The following PCOLCE2 variants were observed in gnomAD, a reference collection of about 807,000 sequenced individuals.
PCOLCE2 encodes the protein procollagen C-endopeptidase enhancer 2.
In PCOLCE2, 42 loss-of-function variants were observed where a neutral mutation model predicts 47.0. The observed-to-expected ratio is 0.89, with a 90% confidence interval of 0.70 to 1.16. PCOLCE2 has a LOEUF of 1.16. Among genes scored for constraint, PCOLCE2 ranks in the 50% most tolerant of loss-of-function variants. PCOLCE2 has a pLI of 0.00. For missense variants in PCOLCE2, 500 were observed against 526.1 expected (o/e 0.95, Z 0.49); for synonymous variants, 169 against 191.7 (o/e 0.88, Z 0.98).
chr3:142,833,250 A>G (rs796355006), intron 5 of PCOLCE2, among the ~76,000 whole-genome samples: 3 of 152,064 alleles, frequency 2.0e-5, no homozygotes, highest in African/African-American at 7.2e-5. Context: ...GTGCAGTGGC[A>G]TGGTCTTGGC....
chr3:142,820,900 C>T lies in PCOLCE2; in HGVS notation c.1095G>A (p.Lys365=). The T allele has an allele frequency of 6.2e-7, 1 of 1,613,826 alleles. No homozygotes were observed. Among genetic ancestry groups the T allele is most frequent in the Non-Finnish European group, 8.5e-7 (1 of 1,179,742 alleles). Residue 365 remains lysine (K), a synonymous_variant, in exon 8 of 9, where the codon AAG becomes AAA. Coordinates refer to ENST00000295992, the MANE Select transcript of PCOLCE2 (RefSeq NM_013363.4). Reference sequence around the variant, plus strand: ...CACCTCTTCTGAGGAGAGGGCACTGCTTGCAGACGACAGTCAGCCTGGCAC... The same window carrying T: ...CACCTCTTCTGAGGAGAGGGCACTGTTTGCAGACGACAGTCAGCCTGGCAC... ...NMSARLTVVC[K]QCPLLRRGLN... is the part of the protein sequence containing the mutation.
intron 7 of PCOLCE2, among the ~76,000 whole-genome samples, chr3:142,822,527 G>T (rs1007386028): frequency 9.9e-5 from 15 of 152,154 alleles, no homozygotes; most frequent in African/African-American, 3.6e-4. Context: ...CTTTGATCCT[G>T]CGTGATAAGT....
chr3:142,875,141 C>A (rs1421959584), intron 2 of PCOLCE2, among the ~76,000 whole-genome samples: 1 of 152,202 alleles, frequency 6.6e-6, no homozygotes, highest in African/African-American at 2.4e-5. Context: ...TATTGGGCAT[C>A]TCCTGGAGTA....
intron 2 of PCOLCE2, among the ~76,000 whole-genome samples, chr3:142,861,032 C>G (rs977290724): frequency 6.6e-6 from 1 of 152,196 alleles, no homozygotes; most frequent in African/African-American, 2.4e-5. Context: ...CAAAGGTGTA[C>G]AGAGATTAAA....
chr3:142,857,565 G>GA (rs1157179890), intron 2 of PCOLCE2, among the ~76,000 whole-genome samples: 1 of 151,964 alleles, frequency 6.6e-6, no homozygotes, highest in South Asian at 2.1e-4. Flanking sequence ...ATAAAAAAGG[G>GA]AAAAAAGGTA....
intron 2 of PCOLCE2, among the ~76,000 whole-genome samples, chr3:142,863,556 G>A (rs1353583940): frequency 2.6e-5 from 4 of 152,206 alleles, no homozygotes; most frequent in African/African-American, 7.2e-5. Flanking sequence ...ACAGACGACT[G>A]TCTTACTCTA....
chr3:142,850,785 GAAGATGAA>G (rs1491000433), intron 2 of PCOLCE2, among the ~76,000 whole-genome samples: 7 of 143,262 alleles, frequency 4.9e-5, no homozygotes, highest in Non-Finnish European at 9.2e-5. Context: ...GTTTTGCTGT[GAAGATGAA>G]CAGAATAATA....
intron 2 of PCOLCE2, among the ~76,000 whole-genome samples, chr3:142,861,801 G>T (rs1933187195): frequency 6.6e-6 from 1 of 152,204 alleles, no homozygotes; most frequent in Admixed American, 6.5e-5. Context: ...CTGTGGCAGG[G>T]CTTGTCACCA....
At position 142,842,172 on chromosome 3, in the gene PCOLCE2, T is replaced by C. The variant is rs1264021830; in HGVS notation, c.573+752A>G. ...ATGTGGCTTGCTTTTGTTGGCTTTG[T>C]TGAGGCAAAGCATCCACACTTTTTT... On this transcript the variant is annotated intron_variant, in intron 4 of 8. Coordinates refer to ENST00000295992, the MANE Select transcript of PCOLCE2 (RefSeq NM_013363.4). The surrounding 1 kb of genome is among the most constrained non-coding windows in gnomAD (Gnocchi z 4.1). 6.6e-6 allele frequency among the ~76,000 whole-genome samples: 1 copy of C among 152,228 alleles called. No homozygotes were observed. Among genetic ancestry groups the C allele is most frequent in the Admixed American group, 6.5e-5 (1 of 15,282 alleles).
At chr3:142,818,514 G>A (rs766782523) in intron 8 of PCOLCE2, 49 bp from the exon 9 acceptor site, 2 of 1,425,370 alleles carry the variant, frequency 1.4e-6, no homozygotes, top group Admixed American at 1.7e-5. Context: ...TGTATCATGT[G>A]TGAAACAACT....
At chr3:142,863,733 A>G (rs1259518125) in intron 2 of PCOLCE2, among the ~76,000 whole-genome samples, 1 of 152,228 alleles carries the variant, frequency 6.6e-6, no homozygotes, top group Non-Finnish European at 1.5e-5. Flanking sequence ...CCGTGTGCCC[A>G]AGCCTCCCAA....
At chr3:142,840,737 C>T (rs1937255035) in intron 4 of PCOLCE2, among the ~76,000 whole-genome samples, 1 of 152,106 alleles carries the variant, frequency 6.6e-6, no homozygotes, top group Admixed American at 6.6e-5. Context: ...TAATAAAATG[C>T]TTTCCAGGTT....
chr3:142,881,848 G>A (rs1933627993), intron 2 of PCOLCE2, among the ~76,000 whole-genome samples: 2 of 152,166 alleles, frequency 1.3e-5, no homozygotes, highest in Non-Finnish European at 2.9e-5. Context: ...GTTACCTGGA[G>A]AATCTGAAGA....
In PCOLCE2 at chr3:142,863,888, A is replaced by C. The variant is rs537388138; in HGVS notation, c.193-15416T>G. ...TAAACTAGCATGCTATTTAAGAAAAACCTCATGATTCCTGGAGAAGAGTTT... is the reference window on the plus strand; with the variant it reads ...TAAACTAGCATGCTATTTAAGAAAACCCTCATGATTCCTGGAGAAGAGTTT... On this transcript the variant is annotated intron_variant, in intron 2 of 8. Coordinates refer to ENST00000295992, the MANE Select transcript of PCOLCE2 (RefSeq NM_013363.4). 1.2e-3 allele frequency: 178 copies of C among 152,330 alleles called. 1 individual carries two copies. The highest frequency in any genetic ancestry group is 4.2e-3 in the African/African-American group (174 of 41,570). 9.4% of individuals were successfully genotyped at this position (152,330 alleles called of 1,614,324 possible).
At chr3:142,857,380 T>C (rs764888775) in intron 2 of PCOLCE2, among the ~76,000 whole-genome samples, 3 of 152,186 alleles carry the variant, frequency 2.0e-5, no homozygotes, top group African/African-American at 4.8e-5. Context: ...CTGGTTGTCT[T>C]TCACATTTAG....
intron 3 of PCOLCE2, among the ~76,000 whole-genome samples, chr3:142,844,961 C>G (rs1937307421): frequency 6.6e-6 from 1 of 151,804 alleles, no homozygotes; most frequent in African/African-American, 2.4e-5. Context: ...TTCTTGTAGA[C>G]AACATATAGT....
chr3:142,880,361 C>T (rs1413796357), intron 2 of PCOLCE2, among the ~76,000 whole-genome samples: 1 of 152,140 alleles, frequency 6.6e-6, no homozygotes, highest in Non-Finnish European at 1.5e-5. Context: ...CCTATCTGTC[C>T]TGCTGTGGTT....
At chr3:142,888,333 C>T (rs1933752350) in intron 1 of PCOLCE2, among the ~76,000 whole-genome samples, 1 of 152,190 alleles carries the variant, frequency 6.6e-6, no homozygotes, top group Non-Finnish European at 1.5e-5. Flanking sequence ...AGCCCAGCTC[C>T]TGGGGCCTTC....
rs1372012980 is a variant in PCOLCE2 at position 142,877,326 on chromosome 3, G to C, written c.192+10343C>G. Among the ~76,000 whole-genome samples the C allele has an allele frequency of 2.0e-5, 3 of 152,172 alleles. No individual in the cohort carries two copies. In the East Asian group the frequency reaches 5.8e-4, roughly 29 times the overall value. On this transcript the variant is annotated intron_variant, in intron 2 of 8. Transcript: ENST00000295992. ...TATGAAAGATCATATTTTAAATGAA[G>C]AAAGGACATAGTGAGTAGGAATGGG...
Sources: allele counts gnomAD v4.1 joint callset (sites outside exome capture counted in the v4.1 genomes callset), GRCh38; gene constraint gnomAD v4.1.1; non-coding constraint Gnocchi (gnomAD v3.1); transcripts MANE v1.5; gene names NCBI Gene and HGNC (gene_info 2026-07-23, HGNC 2026-07-21).